The following ECT2 variants were observed in gnomAD, a reference collection of about 807,000 sequenced individuals.
The protein encoded by ECT2 is epithelial cell transforming 2, also known as protein ECT2.
ECT2 carries 61 observed loss-of-function variants against 116.9 expected under a neutral mutation model. The observed-to-expected ratio is 0.52, with a 90% CI of 0.42 to 0.65. ECT2 has a LOEUF of 0.65. Among genes scored for constraint, ECT2 ranks in the 30% least tolerant of loss-of-function variants. The probability of loss-of-function intolerance (pLI) is 0.00; values close to 1 mark genes in which losing one functional copy is unlikely to be tolerated. For synonymous variants in ECT2, 358 were observed against 346.4 expected, an observed-to-expected ratio of 1.03 and a Z score of -0.37; for missense variants, 937 against 1,078.7, an observed-to-expected ratio of 0.87 and a Z score of 1.84.
intron 23 of ECT2, 71 bp downstream of exon 23, chr3:172,815,782 C>T: frequency 1.1e-6 from 1 of 937,698 alleles, no homozygotes; most frequent in East Asian, 2.5e-5. Flanking sequence ...AATAATATTG[C>T]TGCAAACACC....
rs777006332 is a variant in ECT2, at chr3:172,754,541, A to G, written c.11A>G (p.Asn4Ser). MAENSVLTSTTGRT... is the reference protein window; with the variant it reads MAESSVLTSTTGRT... Reference sequence around the variant, plus strand: ...AGAAGAATACAAATCATGGCTGAAAATAGTGTATTAACATCCACTACTGGG... The same window carrying G: ...AGAAGAATACAAATCATGGCTGAAAGTAGTGTATTAACATCCACTACTGGG... Residue 4 changes from asparagine to serine, a missense_variant, in exon 2 of 25, where the codon AAT becomes AGT. Coordinates refer to ENST00000392692, the MANE Select transcript of ECT2 (RefSeq NM_001258315.2). 2 of 1,596,722 alleles carry G rather than the reference A, an allele frequency of 1.3e-6. No individual in the cohort carries two copies. Among genetic ancestry groups the G allele is most frequent in the African/African-American group, 1.4e-5 (1 of 74,008 alleles).
chr3:172,782,142 T>C, intron 14 of ECT2, 21 bp from the exon 15 acceptor site: 3 of 1,478,738 alleles, frequency 2.0e-6, no homozygotes, highest in Non-Finnish European at 2.8e-6. Flanking sequence ...ATTTTAAATA[T>C]TTCAATTCGT....
intron 18 of ECT2, among the ~76,000 whole-genome samples, chr3:172,789,255 G>C (rs1484101775): frequency 7.0e-6 from 1 of 143,460 alleles, no homozygotes; most frequent in Non-Finnish European, 1.5e-5. Flanking sequence ...ATCTCACTCT[G>C]GTTGCCCAGG....
rs764375408 is a variant in ECT2, at chr3:172,815,711, G to C, written c.2508G>C (p.Lys836Asn). 6.3e-7 allele frequency: 1 copy of C among 1,575,038 alleles called. No homozygotes were observed. Among genetic ancestry groups the C allele is most frequent in the South Asian group, 1.2e-5 (1 of 85,724 alleles). The change falls in exon 23 of 25, where the codon AAG (lysine) becomes AAC (asparagine). Residue 836 changes from lysine (K) to asparagine (N), a missense_variant and splice_region_variant. Physicochemically the swap from Lys to Asn is moderately conservative, Grantham distance 94. Transcript: ENST00000392692. The stretch of plus-strand genomic sequence containing the variant: ...GAGCAATAAAAAAGACTTCAAAAAA[G>C]GTGAGTTTTAGTGAAAGTATTATTT... ...ASRAIKKTSK[K>N]VTRAFSFSKT...
the ECT2 span, chr3:172,828,709 G>T: frequency 4.9e-3 from 2,333 of 473,966 alleles, 45 homozygotes; most frequent in African/African-American, 0.04. Context: ...AGCAGGGACG[G>T]ACAGGTGGCC....
downstream of ECT2, among the ~76,000 whole-genome samples, chr3:172,823,373 G>T (rs934193310): frequency 4.6e-5 from 7 of 152,078 alleles, no homozygotes; most frequent in Admixed American, 4.6e-4. Context: ...AAACATGTAA[G>T]ACTATCAACC....
chr3:172,809,577 ACACACACACACACACACACACG>A (rs1728386000), intron 22 of ECT2, among the ~76,000 whole-genome samples: 2 of 150,242 alleles, frequency 1.3e-5, no homozygotes, highest in South Asian at 4.2e-4. Context: ...CTACACACAC[ACACACACACACACACACACACG>A]CACACACACA....
chr3:172,774,066 G>T (rs781640977), intron 14 of ECT2, 44 bp downstream of exon 14: 3 of 1,575,060 alleles, frequency 1.9e-6, no homozygotes, highest in South Asian at 2.2e-5. Flanking sequence ...TTTTCAGATT[G>T]TACATATTTA....
At chr3:172,812,594 T>C (rs1023968541) in intron 22 of ECT2, among the ~76,000 whole-genome samples, 1 of 152,196 alleles carries the variant, frequency 6.6e-6, no homozygotes, top group African/African-American at 2.4e-5. Context: ...TTTTGATTTT[T>C]AATTCATTTT....
intron 12 of ECT2, 82 bp from the exon 13 acceptor site, chr3:172,768,925 C>G: frequency 7.2e-7 from 1 of 1,397,570 alleles, no homozygotes; most frequent in Non-Finnish European, 9.5e-7. Context: ...GGTTTTCTCT[C>G]CTTTTTATCT....
Position 172,786,516 on chromosome 3 carries a change from G to A in ECT2, c.1849G>A (p.Glu617Lys). The A allele has an allele frequency of 6.2e-7, 1 of 1,610,694 alleles. No homozygotes were observed. Among genetic ancestry groups the A allele is most frequent in the Non-Finnish European group, 8.5e-7 (1 of 1,177,750 alleles). The change falls in exon 18 of 25, where the codon GAA becomes AAA. Residue 617 changes from glutamate (E) to lysine (K), a missense_variant. Physicochemically the swap from Glu to Lys is moderately conservative, Grantham distance 56. Coordinates refer to ENST00000392692, the MANE Select transcript of ECT2 (RefSeq NM_001258315.2). The stretch of plus-strand genomic sequence containing the variant: ...AGATCTTAAGAAGCATACAGCTGAT[G>A]AAAATCCAGACAAAAGCACTTTAGA... ...LNDLKKHTAD[E>K]NPDKSTLEKA... is the part of the protein sequence containing the mutation.
chr3:172,808,754 T>A (rs932382731), intron 22 of ECT2, among the ~76,000 whole-genome samples: 1 of 152,190 alleles, frequency 6.6e-6, no homozygotes, highest in Non-Finnish European at 1.5e-5. Flanking sequence ...TTGCATTGGG[T>A]GTTTCTGTGG....
intron 18 of ECT2, among the ~76,000 whole-genome samples, chr3:172,795,488 T>C (rs1402362376): frequency 1.3e-5 from 2 of 152,202 alleles, no homozygotes; most frequent in African/African-American, 2.4e-5. Flanking sequence ...TGATTTAAAC[T>C]AACATTATTA....
intron 12 of ECT2, among the ~76,000 whole-genome samples, chr3:172,768,672 A>G (rs193172642): frequency 1.1e-4 from 16 of 152,312 alleles, no homozygotes; most frequent in South Asian, 2.1e-4. Flanking sequence ...TTTTTGATCT[A>G]TGATCCAATC....
chr3:172,828,857 G>A, the ECT2 span: 135 of 1,068,678 alleles, frequency 1.3e-4, 1 homozygote, highest in Non-Finnish European at 1.8e-4. Context: ...CCTGAGAGAC[G>A]AGTGCCTGAG....
intron 22 of ECT2, among the ~76,000 whole-genome samples, chr3:172,809,568 TACACAC>T (rs10576393): frequency 0.033 from 4,865 of 147,154 alleles, 114 homozygotes; most frequent in African/African-American, 0.069. Flanking sequence ...TGTGTATATC[TACACAC>T]ACACACACAC....
intron 5 of ECT2, among the ~76,000 whole-genome samples, chr3:172,757,409 A>G (rs1444132560): frequency 7.0e-6 from 1 of 143,170 alleles, no homozygotes; most frequent in Non-Finnish European, 1.5e-5. Context: ...AGACAAATAC[A>G]TAGTCCTTTT....
intron 6 of ECT2, among the ~76,000 whole-genome samples, chr3:172,759,924 T>G (rs1001684901): frequency 1.3e-5 from 2 of 152,230 alleles, no homozygotes; most frequent in African/African-American, 4.8e-5. Context: ...GTTGTTTAAC[T>G]TACATTTGTG....
chr3:172,789,736 G>A (rs1342093128), intron 18 of ECT2, among the ~76,000 whole-genome samples: 1 of 152,200 alleles, frequency 6.6e-6, no homozygotes, highest in African/African-American at 2.4e-5. Context: ...TTCACCAGGA[G>A]TAGATTCCAT....
Sources: gnomAD v4.1 joint callset for allele counts (sites outside exome capture counted in the v4.1 genomes callset) on GRCh38, gnomAD v4.1.1 for gene constraint, MANE v1.5 for transcripts, NCBI Gene and HGNC (gene_info 2026-07-23, HGNC 2026-07-21) for gene names.